SP140L: variants seen among roughly 807,000 people sequenced by gnomAD.
The protein encoded by SP140L is nuclear body protein SP140-like protein.
In SP140L, 64 loss-of-function variants were observed where a neutral mutation model predicts 84.3. That is an observed-to-expected ratio of 0.76 (90% CI 0.62 to 0.94). The LOEUF (loss-of-function observed/expected upper bound fraction) is 0.94, where lower values mean the gene tolerates loss of function less well. SP140L is among the 40% of genes least tolerant of loss of function. SP140L has a pLI of 0.00. For missense variants in SP140L, 628 were observed against 692.5 expected (o/e 0.91, Z 1.05); for synonymous variants, 242 against 236.9 (o/e 1.02, Z -0.20).
intron 2 of SP140L, among the ~76,000 whole-genome samples, chr2:230,334,076 C>T (rs1161015256): frequency 1.3e-5 from 2 of 152,184 alleles, no homozygotes; most frequent in African/African-American, 4.8e-5. Flanking sequence ...GGTGTCCATT[C>T]ACATTTCAGA....
intron 5 of SP140L, among the ~76,000 whole-genome samples, chr2:230,366,552 T>G (rs73110386): frequency 0.028 from 4,140 of 149,616 alleles, 213 homozygotes; most frequent in African/African-American, 0.097. Context: ...GATACTTGAG[T>G]TTTTTTTTAT....
chr2:230,337,180 G>A (rs2059904891), intron 2 of SP140L, among the ~76,000 whole-genome samples: 1 of 151,812 alleles, frequency 6.6e-6, no homozygotes, highest in Non-Finnish European at 1.5e-5. Context: ...TTTAATGATT[G>A]CCATTCTAAC....
chr2:230,381,263 C>T (rs1575514419), intron 7 of SP140L, among the ~76,000 whole-genome samples: 1 of 152,264 alleles, frequency 6.6e-6, no homozygotes, highest in African/African-American at 2.4e-5. Flanking sequence ...GGGACATCTC[C>T]TCTGGAAAAT....
At chr2:230,366,311 A>C (rs975929010) in intron 5 of SP140L, among the ~76,000 whole-genome samples, 2 of 152,150 alleles carry the variant, frequency 1.3e-5, no homozygotes, top group African/African-American at 4.8e-5. Context: ...TGTTGGGTGC[A>C]TATATATTAG....
At chr2:230,386,946 A>C (rs1385160993) in intron 9 of SP140L, among the ~76,000 whole-genome samples, 1 of 152,142 alleles carries the variant, frequency 6.6e-6, no homozygotes, top group Non-Finnish European at 1.5e-5. Flanking sequence ...ATCTATTCTC[A>C]CTGTACGGTG....
At chr2:230,399,149 T>G (rs10933336) in intron 14 of SP140L, among the ~76,000 whole-genome samples, 1 of 152,146 alleles carries the variant, frequency 6.6e-6, no homozygotes, top group Admixed American at 6.5e-5. Flanking sequence ...ATGAATACAC[T>G]TGCATTTGTC....
At chr2:230,342,505 C>G (rs1317528163) in intron 2 of SP140L, among the ~76,000 whole-genome samples, 1 of 152,340 alleles carries the variant, frequency 6.6e-6, no homozygotes, top group South Asian at 2.1e-4. Context: ...ATTCGGCCAT[C>G]TTGGCTCCCG....
At chr2:230,341,523 T>C (rs372984003) in intron 2 of SP140L, among the ~76,000 whole-genome samples, 12 of 150,628 alleles carry the variant, frequency 8.0e-5, no homozygotes, top group African/African-American at 2.2e-4. Flanking sequence ...AGCTTTGTTC[T>C]GTTGCTGGTG....
Position 230,342,670 on chromosome 2 carries a change from A to G in SP140L, c.107+13839A>G, listed in dbSNP as rs549189824. The stretch of plus-strand genomic sequence containing the variant: ...TTTATCTATTTCTTCTAGGTTATCC[A>G]ATTTGTTGATGCATAATTGTTCATA... On this transcript the variant is annotated intron_variant, in intron 2 of 18. Transcript: ENST00000415673. 5.9e-5 allele frequency among the ~76,000 whole-genome samples: 9 copies of G among 152,254 alleles called. No homozygotes were observed. In the South Asian group the frequency reaches 1.7e-3, roughly 28 times the overall value.
intron 2 of SP140L, among the ~76,000 whole-genome samples, chr2:230,336,653 T>C (rs1575431254): frequency 6.6e-6 from 1 of 152,248 alleles, no homozygotes; most frequent in Admixed American, 6.5e-5. Flanking sequence ...TTTATTCAAA[T>C]CTTTAACTTG....
At chr2:230,396,110 C>A (rs1195760335) in intron 13 of SP140L, among the ~76,000 whole-genome samples, 1 of 152,110 alleles carries the variant, frequency 6.6e-6, no homozygotes, top group Non-Finnish European at 1.5e-5. Context: ...GACACAAAGG[C>A]CAAGTTTAGG....
rs770806755 is a variant in SP140L at position 230,392,135 on chromosome 2, C to G, written c.1013C>G (p.Pro338Arg). ...ACTGAGGATGGAAAATGGTTCACCC[C>G]CATGGAATTTGAAATCAAAGGAGGC... is the stretch of plus-strand genomic sequence containing the variant. ...IQTEDGKWFTPMEFEIKGGYA... is the reference protein window; with the variant it reads ...IQTEDGKWFTRMEFEIKGGYA... The change falls in exon 12 of 19, where the codon CCC becomes CGC. Residue 338 changes from proline (P) to arginine (R), a missense_variant. Physicochemically the swap from Pro to Arg is moderately radical, Grantham distance 103. Transcript: ENST00000415673. The G allele has an allele frequency of 1.9e-6, 3 of 1,613,898 alleles. No individual in the cohort carries two copies. The African/African-American group carries it at 4.0e-5, about 22-fold the overall frequency.
intron 2 of SP140L, among the ~76,000 whole-genome samples, chr2:230,334,318 C>T (rs11896138): frequency 0.15 from 22,432 of 152,146 alleles, 1,829 homozygotes; most frequent in African/African-American, 0.21. Flanking sequence ...CATGTATGCA[C>T]CTACCTTCTG....
intron 7 of SP140L, chr2:230,371,879 TG>T: frequency 4.0e-6 from 2 of 495,750 alleles, no homozygotes; most frequent in East Asian, 4.2e-5. Context: ...GACCTTGAAA[TG>T]GGGAGATGAT....
chr2:230,358,738 A>G (rs919144777), intron 3 of SP140L, among the ~76,000 whole-genome samples: 4 of 152,206 alleles, frequency 2.6e-5, no homozygotes, highest in African/African-American at 9.7e-5. Context: ...TTTACATCTA[A>G]TGTAAATGAG....
At chr2:230,362,021 G>A (rs2060734333) in intron 5 of SP140L, among the ~76,000 whole-genome samples, 1 of 152,196 alleles carries the variant, frequency 6.6e-6, no homozygotes, top group African/African-American at 2.4e-5. Flanking sequence ...AAGCTGTGAA[G>A]TGTTAAGAAC....
intron 9 of SP140L, 53 bp downstream of exon 9, chr2:230,385,357 T>G (rs1175671183): frequency 1.3e-6 from 2 of 1,509,318 alleles, no homozygotes; most frequent in East Asian, 4.5e-5. Flanking sequence ...AATGCACATG[T>G]TGAGGTTTTG....
In SP140L at chr2:230,389,905, A is replaced by T. The variant is rs769464257; in HGVS notation, c.860-14A>T. ...TTGCAAAGTGAGACAGAATGAAGAAATCCTCTCTTTCAGCTTCAAGAAAGC... is the reference window on the plus strand; with the variant it reads ...TTGCAAAGTGAGACAGAATGAAGAATTCCTCTCTTTCAGCTTCAAGAAAGC... On this transcript the variant is annotated splice_polypyrimidine_tract_variant and intron_variant, in intron 10 of 18. Transcript: ENST00000415673. The T allele has an allele frequency of 6.2e-7, 1 of 1,612,880 alleles. No homozygotes were observed. The highest frequency in any genetic ancestry group is 8.5e-7 in the Non-Finnish European group (1 of 1,179,334).
At chr2:230,363,861 G>A (rs574078550) in intron 5 of SP140L, among the ~76,000 whole-genome samples, 61 of 152,128 alleles carry the variant, frequency 4.0e-4, no homozygotes, top group African/African-American at 1.4e-3. Flanking sequence ...GCATGAAATA[G>A]GGTCTAATTT....
Sources: gnomAD v4.1 joint callset for allele counts (sites outside exome capture counted in the v4.1 genomes callset) on GRCh38, gnomAD v4.1.1 for gene constraint, MANE v1.5 for transcripts, NCBI Gene and HGNC (gene_info 2026-07-23, HGNC 2026-07-21) for gene names.